Variants in SLC25A24 observed in about 807,000 individuals in gnomAD.
The protein encoded by SLC25A24 is solute carrier family 25 member 24, also known as mitochondrial adenyl nucleotide antiporter SLC25A24.
In SLC25A24, 49 loss-of-function variants were observed where a neutral mutation model predicts 60.7. The observed-to-expected ratio is 0.81, with a 90% confidence interval of 0.64 to 1.02. SLC25A24 has a LOEUF of 1.02. Among genes scored for constraint, SLC25A24 ranks in the 50% least tolerant of loss-of-function variants. The probability of loss-of-function intolerance (pLI) is 0.00; values close to 1 mark genes in which losing one functional copy is unlikely to be tolerated. For missense variants in SLC25A24, 564 were observed against 586.3 expected, an observed-to-expected ratio of 0.96 and a Z score of 0.39; for synonymous variants, 202 against 200.6, an observed-to-expected ratio of 1.01 and a Z score of -0.06.
chr1:108,142,606 AG>A (rs1248069024), intron 8 of SLC25A24, among the ~76,000 whole-genome samples: 8 of 152,302 alleles, frequency 5.3e-5, no homozygotes, highest in African/African-American at 1.9e-4. Context: ...AGGTTACCAA[AG>A]GTTTGAGTTA....
At chr1:108,160,383 T>C (rs1680034819) in intron 4 of SLC25A24, among the ~76,000 whole-genome samples, 1 of 141,922 alleles carries the variant, frequency 7.0e-6, no homozygotes, top group Non-Finnish European at 1.5e-5. Flanking sequence ...GCTCCTCACA[T>C]CCCAGACGAT....
chr1:108,198,213 C>T (rs950622865), intron 1 of SLC25A24, among the ~76,000 whole-genome samples: 2 of 152,130 alleles, frequency 1.3e-5, no homozygotes, highest in Non-Finnish European at 2.9e-5. Flanking sequence ...CTCAGATATT[C>T]CACTATAGCA....
intron 8 of SLC25A24, among the ~76,000 whole-genome samples, chr1:108,140,000 T>C (rs915658498): frequency 6.6e-6 from 1 of 152,156 alleles, no homozygotes; most frequent in Non-Finnish European, 1.5e-5. Context: ...TGTATTTCAT[T>C]AGAAGGCAAT....
intron 3 of SLC25A24, among the ~76,000 whole-genome samples, chr1:108,174,329 A>G (rs999047538): frequency 1.3e-5 from 2 of 152,174 alleles, no homozygotes; most frequent in African/African-American, 4.8e-5. Context: ...ATGGCTTCAG[A>G]AGGTGCAAGC....
intron 3 of SLC25A24, among the ~76,000 whole-genome samples, chr1:108,164,964 A>C (rs895891590): frequency 7.0e-6 from 1 of 142,566 alleles, no homozygotes; most frequent in Non-Finnish European, 1.5e-5. Context: ...ACTGCTTTGA[A>C]TGCGTCCCAG....
chr1:108,161,105 TAC>T (rs1680066326), intron 4 of SLC25A24, 75 bp downstream of exon 4: 1 of 772,124 alleles, frequency 1.3e-6, no homozygotes, highest in African/African-American at 1.8e-5. Flanking sequence ...CCATAAGTGT[TAC>T]AGAGTGTTCT....
Position 108,143,656 on chromosome 1 carries a change from C to A in SLC25A24, c.985G>T (p.Asp329Tyr). 6.2e-7 allele frequency: 1 copy of A among 1,613,836 alleles called. No homozygotes were observed. Among genetic ancestry groups the A allele is most frequent in the East Asian group, 2.2e-5 (1 of 44,872 alleles). Residue 329 changes from aspartate to tyrosine, a missense_variant, in exon 8 of 10, where the codon GAT becomes TAT. Coordinates refer to ENST00000565488, the MANE Select transcript of SLC25A24 (RefSeq NM_013386.5). Reference sequence around the variant, plus strand: ...TGTTTCAAAATCTTCTTGGCACAATCATATATTCCAGAGTACTGCCCAGTT... The same window carrying A: ...TGTTTCAAAATCTTCTTGGCACAATAATATATTCCAGAGTACTGCCCAGTT... ...GKTGQYSGIY[D>Y]CAKKILKHEG...
chr1:108,142,444 G>A (rs942359941), intron 8 of SLC25A24, among the ~76,000 whole-genome samples: 1 of 152,192 alleles, frequency 6.6e-6, no homozygotes, highest in African/African-American at 2.4e-5. Flanking sequence ...GCCATGAAAA[G>A]AAATGAAGTT....
In SLC25A24 at chr1:108,182,047, G is replaced by C; in HGVS notation, c.311-19C>G. ...ATTTTTCCTTTAAAAAAATAAAAAG[G>C]GCAAAAAATAAAACTCAGAACTGGT... On this transcript the variant is annotated intron_variant, in intron 2 of 9. Coordinates refer to ENST00000565488, the MANE Select transcript of SLC25A24 (RefSeq NM_013386.5). The C allele has an allele frequency of 3.4e-6, 5 of 1,484,138 alleles. No individual in the cohort carries two copies. Among genetic ancestry groups the C allele is most frequent in the Non-Finnish European group, 3.8e-6 (4 of 1,065,002 alleles). 91.9% of individuals were successfully genotyped at this position (1,484,138 alleles called of 1,614,324 possible). A position where few individuals can be genotyped will look rare whatever the true frequency, so the allele number is the denominator to read the frequency against.
At chr1:108,145,450 C>T (rs1247956757) in intron 7 of SLC25A24, among the ~76,000 whole-genome samples, 5 of 152,116 alleles carry the variant, frequency 3.3e-5, no homozygotes, top group African/African-American at 4.8e-5. Context: ...GCTTTTGTTG[C>T]CATTGCTTTT....
chr1:108,167,466 G>C (rs550377040), intron 3 of SLC25A24, among the ~76,000 whole-genome samples: 1 of 152,184 alleles, frequency 6.6e-6, no homozygotes, highest in Non-Finnish European at 1.5e-5. Flanking sequence ...AGGACCCTCC[G>C]AGCCAGGTGC....
At chr1:108,140,234 G>A (rs1433430642) in intron 8 of SLC25A24, among the ~76,000 whole-genome samples, 1 of 151,890 alleles carries the variant, frequency 6.6e-6, no homozygotes, top group East Asian at 1.9e-4. Flanking sequence ...AGGTTAGAAG[G>A]AAATGGAATG....
At chr1:108,195,901 G>A (rs1470018334) in intron 1 of SLC25A24, among the ~76,000 whole-genome samples, 3 of 151,820 alleles carry the variant, frequency 2.0e-5, no homozygotes, top group Non-Finnish European at 4.4e-5. Context: ...TTGGGAGGCT[G>A]AGGCACAAGA....
chr1:108,181,872 TACAAAC>T, intron 3 of SLC25A24, 63 bp downstream of exon 3: 1 of 1,165,396 alleles, frequency 8.6e-7, no homozygotes, highest in Non-Finnish European at 1.3e-6. Context: ...AAGCCACACT[TACAAAC>T]ACAGAGTTCT....
intron 3 of SLC25A24, among the ~76,000 whole-genome samples, chr1:108,170,568 C>T (rs549571341): frequency 6.6e-6 from 1 of 152,060 alleles, no homozygotes; most frequent in South Asian, 2.1e-4. Flanking sequence ...AATCTCTCAC[C>T]ACTATGATGG....
chr1:108,185,712 C>T (rs1648100287), intron 2 of SLC25A24, 116 bp downstream of exon 2: 8 of 770,538 alleles, frequency 1.0e-5, no homozygotes, highest in East Asian at 3.1e-5. Context: ...AAAGTATTAA[C>T]ACAAATAATA....
At chr1:108,171,957 C>G (rs1647477603) in intron 3 of SLC25A24, among the ~76,000 whole-genome samples, 1 of 152,132 alleles carries the variant, frequency 6.6e-6, no homozygotes. Flanking sequence ...GCTATACAAA[C>G]AAGTCAAGGA....
chr1:108,145,537 A>G (rs1679564664), intron 7 of SLC25A24, among the ~76,000 whole-genome samples: 1 of 151,806 alleles, frequency 6.6e-6, no homozygotes, highest in South Asian at 2.1e-4. Context: ...GGGATTTTAT[A>G]GTTTAAGTCT....
chr1:108,186,124 A>T (rs1379047331), intron 1 of SLC25A24, among the ~76,000 whole-genome samples, 170 bp from the exon 2 acceptor site: 1 of 152,220 alleles, frequency 6.6e-6, no homozygotes, highest in Non-Finnish European at 1.5e-5. Context: ...AAGTAATTCC[A>T]CTACTGCAAA....
Sources: gnomAD v4.1 joint callset for allele counts (sites outside exome capture counted in the v4.1 genomes callset) on GRCh38, gnomAD v4.1.1 for gene constraint, MANE v1.5 for transcripts, NCBI Gene and HGNC (gene_info 2026-07-23, HGNC 2026-07-21) for gene names.